Variants in PRCC observed in about 807,000 individuals in gnomAD.
PRCC encodes the protein proline-rich protein PRCC.
In PRCC, 10 loss-of-function variants were observed where a neutral mutation model predicts 44.0. The observed-to-expected ratio is 0.23, with a 90% CI of 0.14 to 0.39. The LOEUF is 0.39. Ranked by LOEUF, PRCC falls within the 10% of genes least tolerant of loss-of-function variation. The pLI, the probability that PRCC is intolerant of heterozygous loss-of-function variation, is 1.00. For synonymous variants in PRCC, 278 were observed against 259.5 expected (o/e 1.07, Z -0.69); for missense variants, 573 against 624.7 (o/e 0.92, Z 0.88).
At chr1:156,779,009 A>G (rs572420155) in intron 1 of PRCC, among the ~76,000 whole-genome samples, 213 of 147,670 alleles carry the variant, frequency 1.4e-3, no homozygotes, top group African/African-American at 5.2e-3. Context: ...CATATTGGTC[A>G]GGCTGGTCTC....
intron 3 of PRCC, among the ~76,000 whole-genome samples, chr1:156,789,728 T>C (rs1311574948): frequency 1.3e-5 from 2 of 152,206 alleles, no homozygotes; most frequent in East Asian, 3.8e-4. Flanking sequence ...TCTCAGATTC[T>C]TCAGGTGTAA....
intron 6 of PRCC, among the ~76,000 whole-genome samples, chr1:156,798,897 T>C (rs1652753992): frequency 6.7e-6 from 1 of 150,180 alleles, no homozygotes; most frequent in African/African-American, 2.5e-5. Flanking sequence ...ACACGAGAAC[T>C]GAGAGAGCAC....
chr1:156,797,301 A>G lies in PRCC; in HGVS notation c.1349A>G (p.Gln450Arg). The change falls in exon 6 of 7, where the codon CAG becomes CGG. Residue 450 changes from glutamine (Q) to arginine (R), a missense_variant. By Grantham distance (43) the Gln-to-Arg change is conservative. Around this residue, in one of 4 missense-constraint regions of PRCC, gnomAD observed 69 missense variants for 139.3 expected, o/e 0.50. Transcript: ENST00000271526. The stretch of plus-strand genomic sequence containing the variant: ...AAGAAAGGTGAGCAGCCAACAGGCC[A>G]GCAGCGGCGGAAACACCAGATCACA... The part of the protein sequence containing the change: ...SKKKGEQPTG[Q>R]QRRKHQITYL... 6.2e-7 allele frequency: 1 copy of G among 1,614,212 alleles called. No homozygotes were observed. The highest frequency in any genetic ancestry group is 8.5e-7 in the Non-Finnish European group (1 of 1,180,038).
chr1:156,788,045 AG>A (rs926353813), intron 3 of PRCC, among the ~76,000 whole-genome samples: 2 of 152,256 alleles, frequency 1.3e-5, no homozygotes, highest in African/African-American at 4.8e-5. Flanking sequence ...TGTGTTGGCC[AG>A]GGTGGTCTCA....
At chr1:156,796,342 A>G (rs1652660293) in intron 5 of PRCC, 3 of 152,252 alleles carry the variant, frequency 2.0e-5, no homozygotes, top group Admixed American at 6.5e-5. Context: ...TAAAAGGAGA[A>G]AAAGATATGG....
chr1:156,788,737 G>A (rs1273562639), intron 3 of PRCC, among the ~76,000 whole-genome samples: 1 of 139,726 alleles, frequency 7.2e-6, no homozygotes. Flanking sequence ...ATCTCAGCTC[G>A]CCGCAACTCT....
Position 156,774,914 on chromosome 1 carries a change from GC to G in PRCC, c.468+6678del, listed in dbSNP as rs555199911. 6.3e-3 allele frequency among the ~76,000 whole-genome samples: 928 copies of G among 146,776 alleles called. 7 individuals are homozygous for G. Among genetic ancestry groups the G allele is most frequent in the Non-Finnish European group, 8.7e-3 (588 of 67,286 alleles). ...TGCAGTGAGCCAAGATCGTGCCACT[GC>G]CCTCCAGCCTGGGTGACAGAGCAAG... On this transcript the variant is annotated intron_variant, in intron 1 of 6. Coordinates refer to ENST00000271526, the MANE Select transcript of PRCC (RefSeq NM_005973.5).
chr1:156,776,783 G>A (rs113885269), intron 1 of PRCC, among the ~76,000 whole-genome samples: 30 of 152,208 alleles, frequency 2.0e-4, no homozygotes, highest in African/African-American at 7.0e-4. Context: ...CGTATTTGGG[G>A]AATCCATGAA....
At chr1:156,780,714 C>A (rs1652021888) in intron 1 of PRCC, among the ~76,000 whole-genome samples, 1 of 151,998 alleles carries the variant, frequency 6.6e-6, no homozygotes, top group Non-Finnish European at 1.5e-5. Flanking sequence ...GTGCTCTTAT[C>A]TTATACTGCC....
chr1:156,768,529 A>G (rs532916845), intron 1 of PRCC, among the ~76,000 whole-genome samples: 6 of 152,276 alleles, frequency 3.9e-5, no homozygotes, highest in Admixed American at 2.6e-4. Flanking sequence ...CCTTCTTTGC[A>G]TCTTCACTTC....
chr1:156,794,521 G>C (rs550300635), intron 4 of PRCC, 144 bp from the exon 5 acceptor site: 1 of 960,690 alleles, frequency 1.0e-6, no homozygotes, highest in South Asian at 1.7e-5. Flanking sequence ...GAGTTTGGTA[G>C]ATGGCAGGGT....
At chr1:156,782,980 A>T (rs1652098967) in intron 2 of PRCC, among the ~76,000 whole-genome samples, 1 of 151,968 alleles carries the variant, frequency 6.6e-6, no homozygotes, top group African/African-American at 2.4e-5. Flanking sequence ...ATCTTGGCTC[A>T]CCGCATCCTC....
chr1:156,800,235 G>A (rs1571599791), intron 6 of PRCC, 139 bp from the exon 7 acceptor site: 2 of 687,122 alleles, frequency 2.9e-6, no homozygotes, highest in South Asian at 2.1e-5. Flanking sequence ...ACTTTGATAA[G>A]TCTTTCAAGG....
intron 6 of PRCC, among the ~76,000 whole-genome samples, chr1:156,797,883 A>C (rs1364031203): frequency 6.6e-6 from 1 of 152,212 alleles, no homozygotes; most frequent in Non-Finnish European, 1.5e-5. Context: ...TTGACCCTTG[A>C]CCAACACAGA....
chr1:156,785,924 G>A (rs988572466), intron 2 of PRCC, among the ~76,000 whole-genome samples: 4 of 151,054 alleles, frequency 2.6e-5, no homozygotes, highest in African/African-American at 4.9e-5. Context: ...CGATTCTTCT[G>A]CCTCAGCCTC....
chr1:156,790,674 T>TA (rs958677829), intron 3 of PRCC, among the ~76,000 whole-genome samples: 7 of 152,144 alleles, frequency 4.6e-5, no homozygotes, highest in African/African-American at 1.4e-4. Context: ...AGCAGGAAAA[T>TA]AAAAAAGATG....
At chr1:156,788,189 A>G (rs186288592) in intron 3 of PRCC, among the ~76,000 whole-genome samples, 2 of 152,224 alleles carry the variant, frequency 1.3e-5, no homozygotes, top group South Asian at 2.1e-4. Flanking sequence ...CCTGGTGTCT[A>G]TTGTTCCCTT....
Position 156,768,139 on chromosome 1 carries a change from C to T in PRCC, c.368C>T (p.Pro123Leu), listed in dbSNP as rs539107958. The T allele has an allele frequency of 3.2e-6, 5 of 1,565,358 alleles. No homozygotes were observed. In the South Asian group the frequency reaches 4.7e-5, roughly 15 times the overall value. The change falls in exon 1 of 7, where the codon CCC becomes CTC. Residue 123 changes from proline (P) to leucine (L), a missense_variant. By Grantham distance (98) the Pro-to-Leu change is moderately conservative. Coordinates refer to ENST00000271526, the MANE Select transcript of PRCC (RefSeq NM_005973.5). ...CCCCGAGGCCCTGGCCTCAATCTGCCCCCTCCAATTGGCGGTGCCGGTCCC... is the reference window on the plus strand; with the variant it reads ...CCCCGAGGCCCTGGCCTCAATCTGCTCCCTCCAATTGGCGGTGCCGGTCCC... The part of the protein sequence containing the change: ...PSPRGPGLNL[P>L]PPIGGAGPPL...
intron 3 of PRCC, among the ~76,000 whole-genome samples, chr1:156,787,542 A>G (rs921412035): frequency 3.5e-5 from 5 of 144,078 alleles, no homozygotes; most frequent in African/African-American, 1.0e-4. Flanking sequence ...TTCAGGAGGT[A>G]CATGTACAGG....
Sources: gnomAD v4.1 joint callset for allele counts (sites outside exome capture counted in the v4.1 genomes callset) on GRCh38, gnomAD v4.1.1 for gene constraint, gnomAD v4.1.1 regional missense constraint, MANE v1.5 for transcripts, NCBI Gene and HGNC (gene_info 2026-07-23, HGNC 2026-07-21) for gene names.